The following FARP2 variants were observed in gnomAD, a reference collection of about 807,000 sequenced individuals.
The protein encoded by FARP2 is FERM, ARHGEF and pleckstrin domain-containing protein 2.
Under a neutral mutation model 130.5 loss-of-function variants are expected in FARP2, and 111 were observed. The observed-to-expected ratio is 0.85, with a 90% CI of 0.73 to 1.00. The LOEUF (loss-of-function observed/expected upper bound fraction) is 1.00, where lower values mean the gene tolerates loss of function less well. Among genes scored for constraint, FARP2 ranks in the 50% least tolerant of loss-of-function variants. FARP2 has a pLI of 0.00. For synonymous variants in FARP2, 504 were observed against 516.9 expected (o/e 0.98, Z 0.34); for missense variants, 1,385 against 1,346.3 (o/e 1.03, Z -0.45).
In FARP2 at chr2:241,400,059, G is replaced by C. The variant is rs139235902; in HGVS notation, c.184-3769G>C. Among the ~76,000 whole-genome samples, 724 of 152,304 alleles carry C rather than the reference G, an allele frequency of 4.8e-3. 3 individuals carry two copies. The highest frequency in any genetic ancestry group is 0.024 in the Middle Eastern group (7 of 294). On this transcript the variant is annotated intron_variant, in intron 2 of 26. Coordinates refer to ENST00000264042, the MANE Select transcript of FARP2 (RefSeq NM_014808.4). ...GACATTGCTGGTTAACAGGTGCCTT[G>C]TGAATGTGCTTGCACCTGCGTGGTT...
At chr2:241,389,051 T>A (rs1575490566) in intron 2 of FARP2, among the ~76,000 whole-genome samples, 1 of 152,044 alleles carries the variant, frequency 6.6e-6, no homozygotes, top group African/African-American at 2.4e-5. Flanking sequence ...GATGCCAAGG[T>A]GGGCGGATCA....
intron 2 of FARP2, among the ~76,000 whole-genome samples, chr2:241,384,326 G>A (rs1431456892): frequency 6.6e-6 from 1 of 152,136 alleles, no homozygotes; most frequent in African/African-American, 2.4e-5. Context: ...ACTTTATATA[G>A]CAGCAGCTTT....
Position 241,493,510 on chromosome 2 carries a change from C to T in FARP2, c.3047+66C>T, listed in dbSNP as rs2065007611. The T allele has an allele frequency of 9.2e-6, 14 of 1,521,806 alleles. No homozygotes were observed. In the East Asian group the frequency reaches 2.3e-4, roughly 25 times the overall value. The allele number at this position is 1,521,806 out of a possible 1,614,324, so 94.3% of individuals were successfully genotyped here. A position where few individuals can be genotyped will look rare whatever the true frequency, so the allele number is the denominator to read the frequency against. On this transcript the variant is annotated intron_variant, in intron 26 of 26. Coordinates refer to ENST00000264042, the MANE Select transcript of FARP2 (RefSeq NM_014808.4). ...GATGTCCGCTCAGCTCCCATTTCTACTCATGGTGGTGGAGGCAAGTTTTCT... is the reference window on the plus strand; with the variant it reads ...GATGTCCGCTCAGCTCCCATTTCTATTCATGGTGGTGGAGGCAAGTTTTCT...
At chr2:241,401,902 G>A (rs1033495898) in intron 2 of FARP2, among the ~76,000 whole-genome samples, 3 of 151,688 alleles carry the variant, frequency 2.0e-5, no homozygotes, top group Non-Finnish European at 2.9e-5. Flanking sequence ...CTATTCTCCC[G>A]CCTCAGCCTC....
intron 2 of FARP2, among the ~76,000 whole-genome samples, chr2:241,375,976 C>G (rs1363508875): frequency 6.6e-6 from 1 of 152,152 alleles, no homozygotes; most frequent in Non-Finnish European, 1.5e-5. Flanking sequence ...TGGTTGTATT[C>G]TGCTTCCAAG....
At chr2:241,404,913 G>C in intron 4 of FARP2, 72 bp downstream of exon 4, 1 of 1,112,268 alleles carries the variant, frequency 9.0e-7, no homozygotes, top group Non-Finnish European at 1.4e-6. Context: ...TAAAAGGCAT[G>C]TTCAACTGTT....
intron 1 of FARP2, among the ~76,000 whole-genome samples, chr2:241,365,662 CT>C (rs1231112556): frequency 6.6e-6 from 1 of 151,984 alleles, no homozygotes; most frequent in Non-Finnish European, 1.5e-5. Context: ...CTTTGTGGTT[CT>C]TTTATTCCTT....
chr2:241,485,652 G>A (rs1273853353), intron 21 of FARP2, among the ~76,000 whole-genome samples: 1 of 141,996 alleles, frequency 7.0e-6, no homozygotes, highest in African/African-American at 2.7e-5. Context: ...CCTCCCTGAG[G>A]TCCTCCCTCA....
chr2:241,376,438 T>C (rs756571189), intron 2 of FARP2, among the ~76,000 whole-genome samples: 5 of 152,254 alleles, frequency 3.3e-5, no homozygotes, highest in Non-Finnish European at 7.3e-5. Context: ...TGTACCAGGA[T>C]ACAGCCTCTG....
rs2063858861 is a variant in FARP2 at position 241,456,910 on chromosome 2, G to T, written c.1575G>T (p.Glu525Asp). Residue 525 changes from glutamate to aspartate, a missense_variant, in exon 14 of 27, where the codon GAG (glutamate) becomes GAT (aspartate). Transcript: ENST00000264042. ...GCGGAGCCGGGATGGACTGCGAGGA[G>T]CCCAGACACAAGGTGGGCCCCTCGA... is the stretch of plus-strand genomic sequence containing the variant. ...DAGGAGMDCE[E>D]PRHKRVPADE... 2 of 1,597,694 alleles carry T rather than the reference G, an allele frequency of 1.3e-6. No homozygotes were observed. Among genetic ancestry groups the T allele is most frequent in the South Asian group, 1.1e-5 (1 of 89,374 alleles).
chr2:241,438,723 G>A (rs62190368), intron 12 of FARP2, among the ~76,000 whole-genome samples: 16,565 of 148,832 alleles, frequency 0.11, 1,164 homozygotes, highest in Non-Finnish European at 0.15. Flanking sequence ...TCCGCCTCCC[G>A]GGTTCACGCC....
At chr2:241,387,660 G>A (rs2061817446) in intron 2 of FARP2, among the ~76,000 whole-genome samples, 1 of 152,030 alleles carries the variant, frequency 6.6e-6, no homozygotes, top group African/African-American at 2.4e-5. Context: ...AGGCGTGGTG[G>A]TGGGTGCCTG....
rs2064634680 is a variant in FARP2 at position 241,482,274 on chromosome 2, A to G, written c.2263-1191A>G. Among the ~76,000 whole-genome samples, 4 of 152,184 alleles carry G rather than the reference A, an allele frequency of 2.6e-5. No homozygotes were observed. Among genetic ancestry groups the G allele is most frequent in the Admixed American group, 2.6e-4 (4 of 15,284 alleles). ...GAGCCTCACAGCTGGCAGCGGGGCC[A>G]GTGCATGGTGGAGAAGGCGCCCCGT... On this transcript the variant is annotated intron_variant, in intron 19 of 26. Transcript: ENST00000264042. This position sits in a 1 kb window ranked among gnomAD's most constrained non-coding sequence, Gnocchi z 4.6.
chr2:241,460,825 G>A (rs2063993514), intron 14 of FARP2, among the ~76,000 whole-genome samples: 1 of 152,216 alleles, frequency 6.6e-6, no homozygotes, highest in South Asian at 2.1e-4. Flanking sequence ...CAGGCTGCCA[G>A]CCATGGGGAA....
chr2:241,412,306 T>A (rs1444800221), intron 6 of FARP2, among the ~76,000 whole-genome samples: 2 of 152,092 alleles, frequency 1.3e-5, no homozygotes, highest in Admixed American at 6.5e-5. Flanking sequence ...TCCCACTGGG[T>A]CCCTCCCACA....
intron 21 of FARP2, chr2:241,489,022 C>G (rs1457245410): frequency 1.3e-5 from 2 of 152,250 alleles, no homozygotes; most frequent in Admixed American, 1.3e-4. Context: ...AAATTCCTTA[C>G]AAAAACACCA....
At chr2:241,375,724 G>A (rs1201203510) in intron 2 of FARP2, among the ~76,000 whole-genome samples, 1 of 151,984 alleles carries the variant, frequency 6.6e-6, no homozygotes, top group East Asian at 1.9e-4. Context: ...AAAAGAAAAT[G>A]GTCTTGCATA....
intron 2 of FARP2, among the ~76,000 whole-genome samples, chr2:241,394,722 A>G (rs1382196008): frequency 6.6e-6 from 1 of 152,226 alleles, no homozygotes. Flanking sequence ...TGATTTTTAA[A>G]ATATGTTTTA....
At chr2:241,433,932 C>T (rs114834386) in intron 9 of FARP2, among the ~76,000 whole-genome samples, 23 of 152,066 alleles carry the variant, frequency 1.5e-4, no homozygotes, top group African/African-American at 5.3e-4. Flanking sequence ...AGGAGGGGAG[C>T]GGCTGAGGTG....
Sources: gnomAD v4.1 joint callset for allele counts (sites outside exome capture counted in the v4.1 genomes callset) on GRCh38, gnomAD v4.1.1 for gene constraint, Gnocchi (gnomAD v3.1) non-coding constraint, MANE v1.5 for transcripts, NCBI Gene and HGNC (gene_info 2026-07-23, HGNC 2026-07-21) for gene names.